The following URGCP variants were observed in gnomAD, a reference collection of about 807,000 sequenced individuals.
The protein encoded by URGCP is upregulator of cell proliferation.
Under a neutral mutation model 24.6 loss-of-function variants are expected in URGCP, and 13 were observed. The observed-to-expected ratio is 0.53, with a 90% CI of 0.34 to 0.84. The LOEUF is 0.84. Among genes scored for constraint, URGCP ranks in the 40% least tolerant of loss-of-function variants. The probability of loss-of-function intolerance (pLI) is 0.01; values close to 1 mark genes in which losing one functional copy is unlikely to be tolerated. For missense variants in URGCP, 899 were observed against 1,194.3 expected (o/e 0.75, Z 3.64); for synonymous variants, 444 against 487.2 (o/e 0.91, Z 1.17).
At chr7:43,906,770 G>C (rs1393494738), upstream of URGCP, 1 of 276,064 alleles carries the variant, frequency 3.6e-6, no homozygotes, top group Non-Finnish European at 6.2e-6. Context: ...GCGGGGTGGG[G>C]GCGGGGCGGC....
At position 43,877,429 on chromosome 7, in the gene URGCP, G is replaced by A. The variant is rs1050553008; in HGVS notation, c.2034C>T (p.Leu678=). ...LSMPVRWVTG[L]LKELHVRLER... is the part of the protein sequence containing the mutation. ...CCAGTCGGACGTGCAGCTCCTTCAG[G>A]AGCCCTGTGACCCAGCGGACGGGCA... The change falls in exon 6 of 6, where the codon CTC becomes CTT. Residue 678 remains leucine (L), a synonymous_variant. Transcript: ENST00000453200. 18 of 1,613,398 alleles carry A rather than the reference G, an allele frequency of 1.1e-5. No homozygotes were observed. The African/African-American group carries it at 1.3e-4, about 12-fold the overall frequency.
intron 1 of URGCP, among the ~76,000 whole-genome samples, chr7:43,898,394 A>G (rs2095882718): frequency 6.6e-6 from 1 of 152,220 alleles, no homozygotes; most frequent in Admixed American, 6.5e-5. Flanking sequence ...GAAAAATAAT[A>G]TGTTACAAAT....
intron 1 of URGCP, among the ~76,000 whole-genome samples, chr7:43,920,341 C>A (rs1359455109): frequency 6.6e-6 from 1 of 152,122 alleles, no homozygotes. Flanking sequence ...GGGCAGATCA[C>A]CTGAAGTCAT....
chr7:43,884,793 C>A (rs1044842403), intron 3 of URGCP, among the ~76,000 whole-genome samples: 1 of 152,114 alleles, frequency 6.6e-6, no homozygotes, highest in Non-Finnish European at 1.5e-5. Context: ...ATGATGGCCA[C>A]CACTGTACTC....
intron 1 of URGCP, among the ~76,000 whole-genome samples, chr7:43,914,579 G>A (rs1273591926): frequency 1.3e-5 from 2 of 152,044 alleles, no homozygotes; most frequent in African/African-American, 4.8e-5. Context: ...TGTGTTAGAG[G>A]CATTTGAATC....
At chr7:43,911,430 T>A (rs2095909994), upstream of URGCP, among the ~76,000 whole-genome samples, 1 of 151,632 alleles carries the variant, frequency 6.6e-6, no homozygotes, top group South Asian at 2.1e-4. Flanking sequence ...GCGCGGTGGC[T>A]CACGCCTGTA....
In URGCP at chr7:43,887,461, G is replaced by T; in HGVS notation, c.66C>A (p.Ala22=). ...GTCTCTCTGATGCTTTTATTTCTGG[G>T]GCTACTTCTCCCAAATCTGAATGCC... ...GKGHSDLGEV[A]PEIKASERRT... The change falls in exon 3 of 6, where the codon GCC becomes GCA. Residue 22 remains alanine, a synonymous_variant. Transcript: ENST00000453200. 2 of 1,613,464 alleles carry T rather than the reference G, an allele frequency of 1.2e-6. No individual in the cohort carries two copies. The highest frequency in any genetic ancestry group is 1.7e-6 in the Non-Finnish European group (2 of 1,179,772).
intron 5 of URGCP, 79 bp downstream of exon 5, chr7:43,881,580 C>T (rs2095853935): frequency 6.3e-7 from 1 of 1,578,472 alleles, no homozygotes; most frequent in African/African-American, 1.4e-5. Context: ...TGATTTGATA[C>T]AGTCAGGTGT....
chr7:43,912,479 A>C (rs1266894370), intron 1 of URGCP, among the ~76,000 whole-genome samples: 3 of 152,248 alleles, frequency 2.0e-5, no homozygotes, highest in African/African-American at 7.2e-5. Flanking sequence ...AGCCTAGGCA[A>C]CAGAGCAAGA....
chr7:43,900,669 C>T (rs1303583115), intron 1 of URGCP, among the ~76,000 whole-genome samples: 2 of 152,004 alleles, frequency 1.3e-5, no homozygotes, highest in Non-Finnish European at 2.9e-5. Context: ...TCACCGCTGC[C>T]TCAAACTCCT....
chr7:43,900,469 C>CAAAAAAAAAAACAAAAA (rs2095888319), intron 1 of URGCP, among the ~76,000 whole-genome samples: 1 of 114,494 alleles, frequency 8.7e-6, no homozygotes. Flanking sequence ...AAAACCAAAA[C>CAAAAAAAAAAACAAAAA]AAAAAAAAAA....
chr7:43,878,907 G>T lies in URGCP; in HGVS notation c.556C>A (p.Leu186Ile). 6.2e-7 allele frequency: 1 copy of T among 1,614,220 alleles called. No homozygotes were observed. The highest frequency in any genetic ancestry group is 2.2e-5 in the East Asian group (1 of 44,882). The change falls in exon 6 of 6, where the codon CTT becomes ATT. Residue 186 changes from leucine (L) to isoleucine (I), a missense_variant. By Grantham distance (5) the Leu-to-Ile change is conservative (BLOSUM62 2). Transcript: ENST00000453200. The surrounding 1 kb of genome is among the most constrained non-coding windows in gnomAD (Gnocchi z 5.6). Reference sequence around the variant, plus strand: ...GAGGAGAGCAGCAGGGCACAGAGAAGGTCTAAGGGGTTCACTGGCGTATCA... The same window carrying T: ...GAGGAGAGCAGCAGGGCACAGAGAATGTCTAAGGGGTTCACTGGCGTATCA... ...TPDTPVNPLDLLCALLLSSDS... is the reference protein window; with the variant it reads ...TPDTPVNPLDILCALLLSSDS...
chr7:43,895,324 A>C (rs1401250377), intron 1 of URGCP, among the ~76,000 whole-genome samples: 1 of 151,620 alleles, frequency 6.6e-6, no homozygotes, highest in East Asian at 1.9e-4. Context: ...CTAATCATCA[A>C]GGAAATGCAA....
upstream of URGCP, among the ~76,000 whole-genome samples, chr7:43,910,038 T>C (rs2095908290): frequency 6.6e-6 from 1 of 151,966 alleles, no homozygotes; most frequent in Non-Finnish European, 1.5e-5. Flanking sequence ...AGCCAAACTC[T>C]ATCTCAAAAA....
intron 1 of URGCP, among the ~76,000 whole-genome samples, chr7:43,903,638 G>A (rs2095895637): frequency 6.6e-6 from 1 of 152,164 alleles, no homozygotes; most frequent in Non-Finnish European, 1.5e-5. Flanking sequence ...ATGAATAGTT[G>A]TAACATTGTT....
intron 1 of URGCP, chr7:43,888,840 A>C (rs1445613558): frequency 6.6e-6 from 1 of 152,256 alleles, no homozygotes; most frequent in Non-Finnish European, 1.5e-5. Flanking sequence ...TGTTGTGGCA[A>C]TGGGCATGCC....
chr7:43,903,987 T>C (rs1253884727), intron 1 of URGCP, among the ~76,000 whole-genome samples: 2 of 152,208 alleles, frequency 1.3e-5, no homozygotes, highest in African/African-American at 2.4e-5. Flanking sequence ...AGACAAGAGA[T>C]GAGCTGTTGA....
intron 1 of URGCP, among the ~76,000 whole-genome samples, chr7:43,925,521 A>C (rs2095928328): frequency 6.6e-6 from 1 of 152,032 alleles, no homozygotes; most frequent in Non-Finnish European, 1.5e-5. Flanking sequence ...TATTTTTGAG[A>C]CAGAGTCTCG....
At position 43,898,900 on chromosome 7, in the gene URGCP, C is replaced by T. The variant is rs578101330; in HGVS notation, c.14+7662G>A. On this transcript the variant is annotated intron_variant, in intron 1 of 5. Transcript: ENST00000453200. ...GCCTGTAATCCCAGCTCTTGGGAGG[C>T]CAAGGCAGGCAGATTACCTGAAGTC... Among the ~76,000 whole-genome samples the T allele has an allele frequency of 1.4e-3, 211 of 146,796 alleles. 1 individual carries two copies. Among genetic ancestry groups the T allele is most frequent in the African/African-American group, 5.1e-3 (206 of 40,324 alleles).
Sources: gnomAD v4.1 joint callset for allele counts (sites outside exome capture counted in the v4.1 genomes callset) on GRCh38, gnomAD v4.1.1 for gene constraint, Gnocchi (gnomAD v3.1) non-coding constraint, MANE v1.5 for transcripts, NCBI Gene and HGNC (gene_info 2026-07-23, HGNC 2026-07-21) for gene names.